SEMA5A: variants seen among roughly 807,000 people sequenced by gnomAD.
SEMA5A encodes semaphorin-5A.
SEMA5A carries 55 observed loss-of-function variants against 135.5 expected under a neutral mutation model. That is an observed-to-expected ratio of 0.41 (90% CI 0.33 to 0.51). The LOEUF (loss-of-function observed/expected upper bound fraction) is 0.51. SEMA5A is among the 20% of genes least tolerant of loss of function. The pLI is 0.37. For missense variants in SEMA5A, 1,290 were observed against 1,419.9 expected (o/e 0.91, Z 1.47); for synonymous variants, 580 against 546.5 (o/e 1.06, Z -0.85).
At chr5:9,428,636 A>G (rs929736027) in intron 2 of SEMA5A, among the ~76,000 whole-genome samples, 4 of 152,202 alleles carry the variant, frequency 2.6e-5, no homozygotes, top group Admixed American at 2.6e-4. Flanking sequence ...ATGTTCAATT[A>G]CACTGGAAAA....
intron 1 of SEMA5A, among the ~76,000 whole-genome samples, chr5:9,505,830 T>A (rs549187670): frequency 6.6e-6 from 1 of 152,382 alleles, no homozygotes; most frequent in South Asian, 2.1e-4. Flanking sequence ...TGTCTTTGAC[T>A]TTCTGGCTTA....
chr5:9,310,141 T>C (rs1752059638), intron 5 of SEMA5A, among the ~76,000 whole-genome samples: 1 of 152,172 alleles, frequency 6.6e-6, no homozygotes, highest in South Asian at 2.1e-4. Context: ...AAACTTTTTC[T>C]TAAAGGAAGA....
intron 2 of SEMA5A, among the ~76,000 whole-genome samples, chr5:9,393,628 A>T (rs1199428459): frequency 6.6e-6 from 1 of 152,240 alleles, no homozygotes; most frequent in Non-Finnish European, 1.5e-5. Context: ...AGCACTAAAA[A>T]ATTTTGACAA....
intron 1 of SEMA5A, among the ~76,000 whole-genome samples, chr5:9,455,973 C>T (rs1399216507): frequency 6.6e-6 from 1 of 152,064 alleles, no homozygotes; most frequent in East Asian, 1.9e-4. Flanking sequence ...CTCAAATGCA[C>T]AAAGCACTGA....
intron 2 of SEMA5A, among the ~76,000 whole-genome samples, chr5:9,420,383 A>T (rs572875203): frequency 6.6e-6 from 1 of 152,182 alleles, no homozygotes; most frequent in Non-Finnish European, 1.5e-5. Context: ...CTCATAGAAG[A>T]GGAAAATGAG....
At chr5:9,429,487 G>A (rs184408530) in intron 2 of SEMA5A, among the ~76,000 whole-genome samples, 9 of 152,314 alleles carry the variant, frequency 5.9e-5, no homozygotes, top group African/African-American at 1.7e-4. Flanking sequence ...CAGAAGTTAT[G>A]TAAAATTGAT....
chr5:9,224,026 G>T (rs775645489), intron 8 of SEMA5A, among the ~76,000 whole-genome samples: 20 of 152,204 alleles, frequency 1.3e-4, no homozygotes, highest in Non-Finnish European at 2.6e-4. Context: ...GTTGCCACAT[G>T]TGGATGCAAT....
intron 5 of SEMA5A, among the ~76,000 whole-genome samples, chr5:9,255,907 G>A (rs1048886824): frequency 7.5e-5 from 10 of 133,198 alleles, no homozygotes; most frequent in South Asian, 7.3e-4. Context: ...CTCCCAACTT[G>A]CTTCTCCCCT....
intron 18 of SEMA5A, among the ~76,000 whole-genome samples, chr5:9,054,481 A>G (rs1286015035): frequency 6.6e-6 from 1 of 151,858 alleles, no homozygotes; most frequent in Non-Finnish European, 1.5e-5. Context: ...AGTTTTACAG[A>G]TTCCTCCCTA....
intron 3 of SEMA5A, among the ~76,000 whole-genome samples, chr5:9,376,900 G>A (rs1755383281): frequency 1.3e-5 from 2 of 152,066 alleles, no homozygotes; most frequent in South Asian, 4.2e-4. Flanking sequence ...AACGACATAT[G>A]CATTCACCCT....
chr5:9,223,380 G>GAGTC (rs1456403162), intron 8 of SEMA5A, among the ~76,000 whole-genome samples: 2 of 152,172 alleles, frequency 1.3e-5, no homozygotes, highest in Non-Finnish European at 2.9e-5. Context: ...CATATATGAT[G>GAGTC]AGTCTAAAGC....
chr5:9,429,368 T>C (rs1001394411), intron 2 of SEMA5A, among the ~76,000 whole-genome samples: 2 of 152,186 alleles, frequency 1.3e-5, no homozygotes, highest in African/African-American at 4.8e-5. Context: ...CAAATAATTA[T>C]TGGCATCTTA....
chr5:9,375,808 A>G (rs113419284), intron 3 of SEMA5A, among the ~76,000 whole-genome samples: 228 of 151,814 alleles, frequency 1.5e-3, no homozygotes, highest in African/African-American at 5.2e-3. Flanking sequence ...TCTGCTGGAC[A>G]TAGCCTTCTT....
At chr5:9,113,261 A>T (rs1740339971) in intron 15 of SEMA5A, among the ~76,000 whole-genome samples, 1 of 152,200 alleles carries the variant, frequency 6.6e-6, no homozygotes, top group African/African-American at 2.4e-5. Flanking sequence ...CTACTGTAAG[A>T]GGTTGGAATG....
intron 12 of SEMA5A, among the ~76,000 whole-genome samples, chr5:9,145,485 G>A (rs1234662968): frequency 6.6e-6 from 1 of 152,130 alleles, no homozygotes; most frequent in Non-Finnish European, 1.5e-5. Context: ...AAAATCTTAG[G>A]AGAAGTCCAG....
At chr5:9,373,634 C>T (rs1411560907) in intron 3 of SEMA5A, among the ~76,000 whole-genome samples, 2 of 152,140 alleles carry the variant, frequency 1.3e-5, no homozygotes, top group Admixed American at 6.5e-5. Flanking sequence ...AGATAAAGAT[C>T]GCTGGGACCT....
At position 9,201,982 on chromosome 5, in the gene SEMA5A, A is replaced by G. The variant is rs764412333; in HGVS notation, c.905T>C (p.Leu302Ser). The part of the protein sequence containing the change: ...QSTFFLPELD[L>S]IYGIFTTNVN... ...ATTGGTGGTAAAGATGCCATAGATC[A>G]AATCCAGCTCAGGCAGGAAGAAAGT... is the stretch of plus-strand genomic sequence containing the variant. The change falls in exon 9 of 23, where the codon TTG becomes TCG. Residue 302 changes from leucine to serine, a missense_variant. By Grantham distance (145) the Leu-to-Ser change is moderately radical. This residue lies in a region of SEMA5A where 1,029 missense variants were observed against 1,086.6 expected (regional missense o/e 0.95). Coordinates refer to ENST00000382496, the MANE Select transcript of SEMA5A (RefSeq NM_003966.3). 1.9e-6 allele frequency: 3 copies of G among 1,614,200 alleles called. No individual in the cohort carries two copies. The highest frequency in any genetic ancestry group is 1.1e-5 in the South Asian group (1 of 91,080).
intron 11 of SEMA5A, among the ~76,000 whole-genome samples, chr5:9,158,940 G>A (rs1342253982): frequency 2.0e-5 from 2 of 100,374 alleles, no homozygotes; most frequent in Non-Finnish European, 5.5e-5. Context: ...TTAAATACAG[G>A]CTGCCAATTT....
At chr5:9,388,734 C>A (rs1756011286) in intron 2 of SEMA5A, among the ~76,000 whole-genome samples, 1 of 151,970 alleles carries the variant, frequency 6.6e-6, no homozygotes, top group Admixed American at 6.5e-5. Context: ...CCCATCTCTA[C>A]TAAAAATACA....
Sources: gnomAD v4.1 joint callset for allele counts (sites outside exome capture counted in the v4.1 genomes callset) on GRCh38, gnomAD v4.1.1 for gene constraint, gnomAD v4.1.1 regional missense constraint, MANE v1.5 for transcripts, NCBI Gene and HGNC (gene_info 2026-07-23, HGNC 2026-07-21) for gene names.